The following ZNF362 variants were observed in gnomAD, a reference collection of about 807,000 sequenced individuals.
ZNF362 encodes the protein rotund homolog.
Under a neutral mutation model 42.9 loss-of-function variants are expected in ZNF362, and 11 were observed. That is an observed-to-expected ratio of 0.26 (90% CI 0.16 to 0.42). The LOEUF is 0.42. ZNF362 is among the 20% of genes least tolerant of loss of function. ZNF362 has a pLI of 1.00. For missense variants in ZNF362, 362 were observed against 576.2 expected, an observed-to-expected ratio of 0.63 and a Z score of 3.81; for synonymous variants, 255 against 257.3, an observed-to-expected ratio of 0.99 and a Z score of 0.09.
the ZNF362 span, among the ~76,000 whole-genome samples, chr1:33,198,866 C>T: frequency 6.6e-6 from 1 of 152,060 alleles, no homozygotes; most frequent in Non-Finnish European, 1.5e-5. Context: ...AACATCCAAA[C>T]ATGAAAATCA....
rs2148072073 is a variant in ZNF362, at chr1:33,266,182, G to A, written c.-88-4305G>A. Among the ~76,000 whole-genome samples the A allele has an allele frequency of 1.3e-5, 2 of 152,280 alleles. No homozygotes were observed. The highest frequency in any genetic ancestry group is 4.1e-4 in the South Asian group (2 of 4,828). ...CAGGGATTATGTTTGAGAAACCTTT[G>A]CTCTCCCAGGGAGTTAACAGTTTTC... On this transcript the variant is annotated intron_variant, in intron 1 of 8. Coordinates refer to ENST00000539719, the MANE Select transcript of ZNF362 (RefSeq NM_152493.3). The surrounding 1 kb of genome is among the most constrained non-coding windows in gnomAD (Gnocchi z 4.3).
chr1:33,135,229 A>G, the ZNF362 span, among the ~76,000 whole-genome samples: 1 of 152,178 alleles, frequency 6.6e-6, no homozygotes, highest in African/African-American at 2.4e-5. Context: ...GCGAGGTTGC[A>G]GTGAGCTGAG....
the ZNF362 span, chr1:33,165,590 T>C: frequency 2.5e-6 from 4 of 1,587,436 alleles, no homozygotes; most frequent in Non-Finnish European, 8.6e-7. The surrounding 1 kb of genome is among the most constrained non-coding windows in gnomAD (Gnocchi z 4.0). Flanking sequence ...AGGGCCGGGA[T>C]GGGGGCAGGG....
chr1:33,214,903 A>C, the ZNF362 span, among the ~76,000 whole-genome samples: 1 of 152,180 alleles, frequency 6.6e-6, no homozygotes, highest in African/African-American at 2.4e-5. Flanking sequence ...TGGGAGTGTA[A>C]ATTAGTATAG....
At chr1:33,133,515 C>T in the ZNF362 span, among the ~76,000 whole-genome samples, 2 of 152,192 alleles carry the variant, frequency 1.3e-5, no homozygotes, top group East Asian at 1.9e-4. Flanking sequence ...ACCGGCGGCA[C>T]GTTTTCCATT....
At chr1:33,250,614 G>A in the ZNF362 span, among the ~76,000 whole-genome samples, 30 of 152,106 alleles carry the variant, frequency 2.0e-4, no homozygotes, top group African/African-American at 7.0e-4. Flanking sequence ...AGAGCATCAG[G>A]AAGAAGAGCT....
At chr1:33,175,040 T>C in the ZNF362 span, among the ~76,000 whole-genome samples, 1 of 151,286 alleles carries the variant, frequency 6.6e-6, no homozygotes, top group Non-Finnish European at 1.5e-5. Flanking sequence ...TTTATGTATA[T>C]GTATATGTAT....
chr1:33,261,987 G>A (rs892569800), intron 1 of ZNF362, among the ~76,000 whole-genome samples: 1 of 152,218 alleles, frequency 6.6e-6, no homozygotes, highest in Non-Finnish European at 1.5e-5. Context: ...TGCACAGGGT[G>A]TGCCTGGCAC....
At chr1:33,212,569 G>C in the ZNF362 span, among the ~76,000 whole-genome samples, 2 of 152,146 alleles carry the variant, frequency 1.3e-5, no homozygotes, top group Admixed American at 1.3e-4. Flanking sequence ...TTGGCTTCTG[G>C]TGAGGCCTCA....
chr1:33,129,317 A>G, the ZNF362 span, among the ~76,000 whole-genome samples: 1 of 152,222 alleles, frequency 6.6e-6, no homozygotes, highest in African/African-American at 2.4e-5. This position sits in a 1 kb window ranked among gnomAD's most constrained non-coding sequence, Gnocchi z 4.1. Context: ...CAAGACCACT[A>G]CAACTCTGAT....
At chr1:33,250,209 T>C in the ZNF362 span, among the ~76,000 whole-genome samples, 1 of 152,166 alleles carries the variant, frequency 6.6e-6, no homozygotes, top group East Asian at 1.9e-4. Flanking sequence ...ACCACTTCCC[T>C]TCTCTGGCCT....
At chr1:33,147,896 AG>A in the ZNF362 span, among the ~76,000 whole-genome samples, 1 of 152,204 alleles carries the variant, frequency 6.6e-6, no homozygotes, top group South Asian at 2.1e-4. This position sits in a 1 kb window ranked among gnomAD's most constrained non-coding sequence, Gnocchi z 8.1. Context: ...CCTCCTCTGT[AG>A]AATGGAAGGG....
the ZNF362 span, among the ~76,000 whole-genome samples, chr1:33,156,828 A>G: frequency 6.6e-6 from 1 of 152,114 alleles, no homozygotes; most frequent in Non-Finnish European, 1.5e-5. Flanking sequence ...GGCTGAAATA[A>G]TTACTATCTC....
the ZNF362 span, among the ~76,000 whole-genome samples, chr1:33,129,565 AAT>A: frequency 1.3e-5 from 2 of 152,168 alleles, no homozygotes; most frequent in South Asian, 2.1e-4. This position sits in a 1 kb window ranked among gnomAD's most constrained non-coding sequence, Gnocchi z 4.1. Flanking sequence ...TCCCCTCATA[AAT>A]ATATATAGTC....
intron 8 of ZNF362, 71 bp from the exon 9 acceptor site, chr1:33,298,859 G>T: frequency 7.4e-7 from 1 of 1,349,638 alleles, no homozygotes; most frequent in South Asian, 1.2e-5. Context: ...AGTGGCTGCT[G>T]GTGGGAACTG....
At chr1:33,206,245 A>G in the ZNF362 span, among the ~76,000 whole-genome samples, 26 of 152,204 alleles carry the variant, frequency 1.7e-4, no homozygotes, top group Admixed American at 1.7e-3. Flanking sequence ...TGTTGATTTT[A>G]GATCTTTCCT....
At chr1:33,170,953 C>T in the ZNF362 span, among the ~76,000 whole-genome samples, 1 of 152,246 alleles carries the variant, frequency 6.6e-6, no homozygotes, top group Non-Finnish European at 1.5e-5. Context: ...AGAGCGGTCA[C>T]TGTGTCCCGT....
At chr1:33,175,467 A>T in the ZNF362 span, among the ~76,000 whole-genome samples, 1 of 152,186 alleles carries the variant, frequency 6.6e-6, no homozygotes, top group African/African-American at 2.4e-5. Context: ...ACAACACTGG[A>T]CTGAGTCGGG....
chr1:33,300,282 C>T lies in ZNF362; in HGVS notation c.*1236C>T, dbSNP rs1646157729. 1 of 152,566 alleles carries T rather than the reference C, an allele frequency of 6.6e-6. No individual in the cohort carries two copies. Among genetic ancestry groups the T allele is most frequent in the Non-Finnish European group, 1.5e-5 (1 of 68,034 alleles). 9.5% of individuals were successfully genotyped at this position (152,566 alleles called of 1,614,324 possible). A position where few individuals can be genotyped will look rare whatever the true frequency, so the allele number is the denominator to read the frequency against. On this transcript the variant is annotated 3_prime_UTR_variant, in exon 9 of 9. Coordinates refer to ENST00000539719, the MANE Select transcript of ZNF362 (RefSeq NM_152493.3). Reference sequence around the variant, plus strand: ...CCATTGATTTACCAGTTTAACGTTTCCTGGGGTTTCTTTGCCCATGGGGTT... The same window carrying T: ...CCATTGATTTACCAGTTTAACGTTTTCTGGGGTTTCTTTGCCCATGGGGTT...
Sources: gnomAD v4.1 joint callset for allele counts (sites outside exome capture counted in the v4.1 genomes callset) on GRCh38, gnomAD v4.1.1 for gene constraint, Gnocchi (gnomAD v3.1) non-coding constraint, MANE v1.5 for transcripts, NCBI Gene and HGNC (gene_info 2026-07-23, HGNC 2026-07-21) for gene names.